The following PROS1 variants were observed in gnomAD, a reference collection of about 807,000 sequenced individuals.
PROS1 encodes vitamin K-dependent protein S.
In PROS1, 29 loss-of-function variants were observed where a neutral mutation model predicts 75.9. The observed-to-expected ratio is 0.38, with a 90% confidence interval of 0.28 to 0.52. PROS1 has a LOEUF of 0.52. Among genes scored for constraint, PROS1 ranks in the 20% least tolerant of loss-of-function variants. The pLI is 0.83. For missense variants in PROS1, 680 were observed against 810.3 expected (o/e 0.84, Z 1.95); for synonymous variants, 245 against 280.6 (o/e 0.87, Z 1.27).
intron 1 of PROS1, among the ~76,000 whole-genome samples, chr3:93,952,793 G>A (rs190280573): frequency 1.6e-4 from 25 of 152,238 alleles, no homozygotes; most frequent in Admixed American, 1.2e-3. Context: ...TCCAAGAGCT[G>A]GCTTTTTGAA....
At chr3:93,884,956 T>C in intron 11 of PROS1, 60 bp from the exon 12 acceptor site, 2 of 1,383,994 alleles carry the variant, frequency 1.4e-6, no homozygotes. Context: ...GGCTCGATTA[T>C]GAGTATAGGT....
intron 3 of PROS1, among the ~76,000 whole-genome samples, chr3:93,919,129 G>A (rs1440417263): frequency 6.6e-6 from 1 of 152,028 alleles, no homozygotes; most frequent in African/African-American, 2.4e-5. Context: ...ACAAGAAGGC[G>A]GAAAGTACAT....
intron 8 of PROS1, among the ~76,000 whole-genome samples, chr3:93,897,471 G>A (rs1179109827): frequency 1.3e-5 from 2 of 151,878 alleles, no homozygotes; most frequent in Admixed American, 1.3e-4. Flanking sequence ...CAAGGCAGAC[G>A]GTGATATGTA....
intron 1 of PROS1, among the ~76,000 whole-genome samples, chr3:93,947,091 C>T (rs1008693331): frequency 5.3e-5 from 8 of 152,002 alleles, no homozygotes; most frequent in Admixed American, 1.3e-4. Context: ...TGGCCATCAG[C>T]GAAATGCAAA....
intron 3 of PROS1, among the ~76,000 whole-genome samples, chr3:93,914,198 A>C (rs1249615043): frequency 6.6e-6 from 1 of 151,990 alleles, no homozygotes; most frequent in Non-Finnish European, 1.5e-5. Context: ...GGGCTTCCCA[A>C]CTCCCATGGC....
chr3:93,909,278 AAAAT>A (rs1221740969), intron 4 of PROS1, among the ~76,000 whole-genome samples: 1 of 151,918 alleles, frequency 6.6e-6, no homozygotes, highest in East Asian at 1.9e-4. Flanking sequence ...ATCTCTATAA[AAAAT>A]AAATTAGCCA....
At chr3:93,918,960 A>AT (rs754870712) in intron 3 of PROS1, among the ~76,000 whole-genome samples, 9 of 151,734 alleles carry the variant, frequency 5.9e-5, no homozygotes, top group Non-Finnish European at 5.9e-5. Context: ...ACATCCTCTA[A>AT]TTTTTTTCTC....
chr3:93,915,731 G>A (rs1177097935), intron 3 of PROS1, among the ~76,000 whole-genome samples: 2 of 151,960 alleles, frequency 1.3e-5, no homozygotes, highest in Non-Finnish European at 2.9e-5. Flanking sequence ...ATCTAATCAT[G>A]ACACTTAAGT....
chr3:93,956,533 T>TCC (rs1411361636), intron 1 of PROS1, among the ~76,000 whole-genome samples: 3 of 113,338 alleles, frequency 2.6e-5, no homozygotes, highest in African/African-American at 6.7e-5. Context: ...TCTCTCTCTC[T>TCC]ACACACACAC....
chr3:93,961,051 T>C (rs566680316), intron 1 of PROS1, among the ~76,000 whole-genome samples: 2 of 152,238 alleles, frequency 1.3e-5, no homozygotes, highest in South Asian at 4.1e-4. Flanking sequence ...CAAAGCTTTA[T>C]GATAGTTCAA....
chr3:93,900,884 A>T lies in PROS1; in HGVS notation c.647T>A (p.Val216Glu). Residue 216 changes from valine (V) to glutamate (E), a missense_variant, in exon 7 of 15, where the codon GTG becomes GAG. By Grantham distance (121) the Val-to-Glu change is moderately radical. Coordinates refer to ENST00000394236, the MANE Select transcript of PROS1 (RefSeq NM_000313.4). Reference sequence around the variant, plus strand: ...AAAATCTCCTGGGATGTTCTTGCACACAGCTGTGCCACAAATGCTTGGCTT... The same window carrying T: ...AAAATCTCCTGGGATGTTCTTGCACTCAGCTGTGCCACAAATGCTTGGCTT... ...SLKPSICGTA[V>E]CKNIPGDFEC... is the part of the protein sequence containing the mutation. 6.2e-7 allele frequency: 1 copy of T among 1,614,026 alleles called. No homozygotes were observed. Among genetic ancestry groups the T allele is most frequent in the African/African-American group, 1.3e-5 (1 of 75,046 alleles).
intron 10 of PROS1, 35 bp from the exon 11 acceptor site, chr3:93,886,538 G>T (rs756883842): frequency 4.7e-6 from 7 of 1,486,122 alleles, no homozygotes; most frequent in East Asian, 2.3e-5. Context: ...AAATAACCAA[G>T]TATTACTACA....
At chr3:93,899,569 G>A (rs563868189) in intron 7 of PROS1, among the ~76,000 whole-genome samples, 16 of 152,166 alleles carry the variant, frequency 1.1e-4, no homozygotes, top group African/African-American at 2.4e-4. Flanking sequence ...AGTTTTCCAC[G>A]GTAATTTCTA....
chr3:93,959,725 T>C (rs530550891), intron 1 of PROS1, among the ~76,000 whole-genome samples: 113 of 152,366 alleles, frequency 7.4e-4, no homozygotes, highest in African/African-American at 2.7e-3. Context: ...CCACGGACCA[T>C]ACTGGAATAG....
intron 12 of PROS1, among the ~76,000 whole-genome samples, chr3:93,881,786 T>C (rs1179798337): frequency 3.3e-5 from 5 of 152,090 alleles, no homozygotes; most frequent in African/African-American, 9.7e-5. Context: ...TCTTGAACTC[T>C]TGGGCTCTAG....
At chr3:93,902,174 G>A (rs1708606198) in intron 6 of PROS1, among the ~76,000 whole-genome samples, 1 of 152,072 alleles carries the variant, frequency 6.6e-6, no homozygotes. Flanking sequence ...AGGAGTGGTG[G>A]CATGTGTTCT....
At chr3:93,927,770 T>G (rs903322749) in intron 1 of PROS1, among the ~76,000 whole-genome samples, 10 of 150,086 alleles carry the variant, frequency 6.7e-5, no homozygotes, top group East Asian at 6.0e-4. Flanking sequence ...GGGAGGCTGA[T>G]GTGGGAGGTC....
chr3:93,901,721 G>T (rs1047079266), intron 6 of PROS1, among the ~76,000 whole-genome samples: 5 of 152,066 alleles, frequency 3.3e-5, no homozygotes, highest in Non-Finnish European at 5.9e-5. Context: ...AAAATAACTT[G>T]CACAAAAATA....
chr3:93,969,767 TCTTTTTTCTTTTC>T (rs1709847023), intron 1 of PROS1, among the ~76,000 whole-genome samples: 1 of 152,208 alleles, frequency 6.6e-6, no homozygotes, highest in African/African-American at 2.4e-5. Context: ...TTCCTTCCTC[TCTTTTTTCTTTTC>T]CTTTTTTCTT....
Sources: gnomAD v4.1 joint callset for allele counts (sites outside exome capture counted in the v4.1 genomes callset) on GRCh38, gnomAD v4.1.1 for gene constraint, MANE v1.5 for transcripts, NCBI Gene and HGNC (gene_info 2026-07-23, HGNC 2026-07-21) for gene names.